PTPRD: variants seen among roughly 807,000 people sequenced by gnomAD.
PTPRD encodes protein tyrosine phosphatase receptor type D.
A neutral mutation model predicts 214.5 loss-of-function variants in PTPRD; 34 were observed. That is an observed-to-expected ratio of 0.16 (90% CI 0.12 to 0.21). PTPRD has a LOEUF of 0.21. PTPRD is among the 10% of genes least tolerant of loss of function. The pLI is 1.00. For missense variants in PTPRD, 2,545 were observed against 2,398.7 expected, an observed-to-expected ratio of 1.06 and a Z score of -1.27; for synonymous variants, 1,128 against 845.7, an observed-to-expected ratio of 1.33 and a Z score of -5.79.
At chr9:9,924,708 T>C (rs2083661605) in intron 5 of PTPRD, among the ~76,000 whole-genome samples, 1 of 152,110 alleles carries the variant, frequency 6.6e-6, no homozygotes, top group Admixed American at 6.6e-5. Context: ...AGAGCCTAGA[T>C]GTTCTTATTG....
At chr9:8,680,919 G>C (rs758524710) in intron 12 of PTPRD, among the ~76,000 whole-genome samples, 1 of 152,192 alleles carries the variant, frequency 6.6e-6, no homozygotes, top group Non-Finnish European at 1.5e-5. Flanking sequence ...CCTGGAAGAA[G>C]ATATGCTGTG....
At chr9:8,604,869 A>G (rs1353337480) in intron 14 of PTPRD, among the ~76,000 whole-genome samples, 1 of 152,210 alleles carries the variant, frequency 6.6e-6, no homozygotes, top group East Asian at 1.9e-4. Flanking sequence ...GTCATCCCTT[A>G]ACATGTATAG....
intron 7 of PTPRD, among the ~76,000 whole-genome samples, chr9:9,686,211 T>C (rs1372394203): frequency 2.0e-5 from 3 of 151,450 alleles, no homozygotes; most frequent in Non-Finnish European, 3.0e-5. Context: ...TTTTCATTCA[T>C]TCAGATGTTG....
chr9:10,423,530 G>T (rs79168373), intron 2 of PTPRD, among the ~76,000 whole-genome samples: 3,766 of 151,962 alleles, frequency 0.025, 105 homozygotes, highest in East Asian at 0.092. Context: ...ACAAAGATAT[G>T]CTAGTATCAT....
At chr9:10,285,409 T>A (rs2095311442) in intron 3 of PTPRD, among the ~76,000 whole-genome samples, 2 of 152,082 alleles carry the variant, frequency 1.3e-5, no homozygotes, top group African/African-American at 2.4e-5. Context: ...CCAAGTGCAA[T>A]TTCATTCTTT....
intron 11 of PTPRD, among the ~76,000 whole-genome samples, chr9:8,944,633 T>C (rs2099052890): frequency 6.6e-6 from 1 of 152,238 alleles, no homozygotes; most frequent in Admixed American, 6.6e-5. Context: ...TTATATTATG[T>C]GAAATAAGCC....
rs9775238 is a variant in PTPRD, at chr9:9,837,948, A to G, written c.-367-71097T>C. Among the ~76,000 whole-genome samples the G allele has an allele frequency of 8.3e-3, 1,262 of 152,026 alleles. 19 individuals are homozygous for G. Among genetic ancestry groups the G allele is most frequent in the African/African-American group, 0.029 (1,194 of 41,458 alleles). ...CCAACCCCACAACAGTCCCCAGAGT[A>G]TGATGTTCCCCTTCCTGTGTCCATG... On this transcript the variant is annotated intron_variant, in intron 5 of 45. Coordinates refer to ENST00000381196, the MANE Select transcript of PTPRD (RefSeq NM_002839.4).
At chr9:9,721,928 G>A (rs1284307257) in intron 7 of PTPRD, among the ~76,000 whole-genome samples, 2 of 152,014 alleles carry the variant, frequency 1.3e-5, no homozygotes, top group Non-Finnish European at 2.9e-5. Context: ...GTGAATACCA[G>A]GCAAGGCTTT....
Position 9,926,003 on chromosome 9 carries a change from T to A in PTPRD, c.-368+12504A>T, listed in dbSNP as rs996128382. 7.2e-5 allele frequency among the ~76,000 whole-genome samples: 11 copies of A among 152,118 alleles called. No individual in the cohort carries two copies. In the South Asian group the frequency reaches 1.7e-3, roughly 23 times the overall value. On this transcript the variant is annotated intron_variant, in intron 5 of 45. Transcript: ENST00000381196. ...AGCACCATGCCTAGAAAATTTTTTT[T>A]AAGTTTTTGTAGAAATGGGGTCTTT...
chr9:10,501,965 A>G (rs564929518), intron 2 of PTPRD, among the ~76,000 whole-genome samples: 5 of 152,094 alleles, frequency 3.3e-5, no homozygotes, highest in African/African-American at 1.2e-4. Context: ...TGACATCATT[A>G]TGTTTTTAAA....
intron 2 of PTPRD, among the ~76,000 whole-genome samples, chr9:10,557,733 G>C (rs1021972945): frequency 6.6e-6 from 1 of 152,224 alleles, no homozygotes; most frequent in South Asian, 2.1e-4. Flanking sequence ...TTAGAAAAAC[G>C]TAGGCAGCTG....
chr9:9,948,024 G>A (rs963080923), intron 4 of PTPRD, among the ~76,000 whole-genome samples: 2 of 151,860 alleles, frequency 1.3e-5, no homozygotes, highest in Non-Finnish European at 2.9e-5. Flanking sequence ...TATGAAGAAG[G>A]GAGATAGATG....
intron 5 of PTPRD, among the ~76,000 whole-genome samples, chr9:9,893,433 C>T (rs1220405235): frequency 1.3e-5 from 2 of 151,936 alleles, no homozygotes; most frequent in African/African-American, 4.8e-5. Context: ...GATGGAGGAA[C>T]ATTTACCAAG....
At chr9:10,274,022 C>T (rs1272851553) in intron 3 of PTPRD, among the ~76,000 whole-genome samples, 3 of 152,050 alleles carry the variant, frequency 2.0e-5, no homozygotes, top group African/African-American at 7.2e-5. Flanking sequence ...TTGTATCCTC[C>T]TAACAGAATT....
chr9:8,548,278 G>A (rs1366597496), intron 14 of PTPRD, among the ~76,000 whole-genome samples: 1 of 152,164 alleles, frequency 6.6e-6, no homozygotes, highest in Non-Finnish European at 1.5e-5. Flanking sequence ...GTCTGTTGAA[G>A]GATGATGCAA....
intron 43 of PTPRD, 44 bp downstream of exon 43, chr9:8,338,877 TA>T: frequency 9.2e-7 from 1 of 1,082,070 alleles, no homozygotes; most frequent in African/African-American, 1.5e-5. Context: ...TATCTTAGAC[TA>T]CTTTTCAGCT....
intron 11 of PTPRD, among the ~76,000 whole-genome samples, chr9:8,920,775 T>C (rs1233233068): frequency 1.3e-5 from 2 of 152,140 alleles, no homozygotes; most frequent in Non-Finnish European, 2.9e-5. Context: ...CAGAGTCTAT[T>C]ATTCCTAAGA....
intron 2 of PTPRD, among the ~76,000 whole-genome samples, chr9:10,380,062 C>T (rs73644438): frequency 0.028 from 4,264 of 152,120 alleles, 207 homozygotes; most frequent in African/African-American, 0.098. Flanking sequence ...TGGCCTCAAG[C>T]GATCCTCCTG....
intron 11 of PTPRD, among the ~76,000 whole-genome samples, chr9:8,919,228 A>G (rs1303695040): frequency 6.6e-6 from 1 of 152,030 alleles, no homozygotes; most frequent in Non-Finnish European, 1.5e-5. Context: ...TCCTGTCTCT[A>G]GTAAAAATAC....
Sources: allele counts gnomAD v4.1 joint callset (sites outside exome capture counted in the v4.1 genomes callset), GRCh38; gene constraint gnomAD v4.1.1; transcripts MANE v1.5; gene names NCBI Gene and HGNC (gene_info 2026-07-23, HGNC 2026-07-21).